Variants in RGS10 observed in about 807,000 individuals in gnomAD.
RGS10 encodes regulator of G-protein signalling 10.
Under a neutral mutation model 23.5 loss-of-function variants are expected in RGS10, and 11 were observed. That is an observed-to-expected ratio of 0.47 (90% CI 0.29 to 0.77). The LOEUF (loss-of-function observed/expected upper bound fraction) is 0.77, where lower values mean the gene tolerates loss of function less well. RGS10 is among the 30% of genes least tolerant of loss of function. The pLI is 0.08. For missense variants in RGS10, 180 were observed against 226.3 expected (o/e 0.80, Z 1.31); for synonymous variants, 77 against 83.2 (o/e 0.92, Z 0.41).
chr10:119,536,589 A>G, intron 1 of RGS10: 3 of 1,322,788 alleles, frequency 2.3e-6, no homozygotes, highest in Non-Finnish European at 3.1e-6. Flanking sequence ...GTCCGAAGAA[A>G]AAACAAGCCT....
intron 4 of RGS10, among the ~76,000 whole-genome samples, chr10:119,512,215 T>A (rs1418852974): frequency 6.6e-6 from 1 of 152,146 alleles, no homozygotes; most frequent in Non-Finnish European, 1.5e-5. Context: ...AGCCCAGCAG[T>A]GCTCAGCAAA....
At chr10:119,539,116 C>A (rs1162953665) in intron 1 of RGS10, among the ~76,000 whole-genome samples, 2 of 152,262 alleles carry the variant, frequency 1.3e-5, no homozygotes, top group East Asian at 3.8e-4. Flanking sequence ...AGAGGCTCAA[C>A]TGGCTCATAA....
chr10:119,506,711 A>AT (rs1395476883), intron 4 of RGS10, among the ~76,000 whole-genome samples: 1 of 151,914 alleles, frequency 6.6e-6, no homozygotes, highest in East Asian at 1.9e-4. Flanking sequence ...TTATTTATTT[A>AT]TTTTTTTTGA....
intron 3 of RGS10, among the ~76,000 whole-genome samples, chr10:119,525,381 G>A (rs962572196): frequency 2.0e-5 from 3 of 152,152 alleles, no homozygotes; most frequent in Admixed American, 6.5e-5. Flanking sequence ...CACACCAGGA[G>A]CCTCCTTCAT....
chr10:119,514,121 C>T (rs535668120), intron 4 of RGS10, among the ~76,000 whole-genome samples: 1 of 151,886 alleles, frequency 6.6e-6, no homozygotes, highest in African/African-American at 2.4e-5. Flanking sequence ...TCTGGGAGGC[C>T]GACGCGGGCG....
intron 1 of RGS10, among the ~76,000 whole-genome samples, chr10:119,540,278 TCTCA>T (rs916765273): frequency 5.9e-5 from 9 of 152,112 alleles, no homozygotes; most frequent in Admixed American, 5.2e-4. Context: ...TTTCTTTGGA[TCTCA>T]CTCTGTCACC....
intron 3 of RGS10, among the ~76,000 whole-genome samples, chr10:119,518,773 C>T (rs986691830): frequency 2.0e-5 from 3 of 151,752 alleles, no homozygotes; most frequent in Non-Finnish European, 4.4e-5. Context: ...GGCGCGATCT[C>T]GGCTCACTGC....
chr10:119,524,028 C>T lies in RGS10; in HGVS notation c.255+2004G>A, dbSNP rs973288248. 7.9e-5 allele frequency among the ~76,000 whole-genome samples: 12 copies of T among 152,162 alleles called. No individual in the cohort carries two copies. The highest frequency in any genetic ancestry group is 1.9e-4 in the East Asian group (1 of 5,190). On this transcript the variant is annotated intron_variant, in intron 3 of 4. Coordinates refer to ENST00000369103, the MANE Select transcript of RGS10 (RefSeq NM_001005339.2). This position sits in a 1 kb window ranked among gnomAD's most constrained non-coding sequence, Gnocchi z 5.2. ...CCTGCCCACACACTGTCCCTGCTCC[C>T]GGGAACCCCCTCCCAATCTCAATGC... is the stretch of plus-strand genomic sequence containing the variant.
intron 1 of RGS10, among the ~76,000 whole-genome samples, chr10:119,537,228 C>T (rs7100579): frequency 0.042 from 6,419 of 151,566 alleles, 257 homozygotes; most frequent in East Asian, 0.13. Context: ...CCTAAAAATA[C>T]AAAATTAGCC....
intron 1 of RGS10, among the ~76,000 whole-genome samples, chr10:119,534,300 T>A (rs1324406036): frequency 2.4e-4 from 22 of 92,378 alleles, no homozygotes; most frequent in Admixed American, 1.9e-3. Flanking sequence ...AATAAATAAA[T>A]AAATAAAAAA....
chr10:119,530,962 C>T (rs953546801), intron 1 of RGS10, among the ~76,000 whole-genome samples: 1 of 152,212 alleles, frequency 6.6e-6, no homozygotes, highest in African/African-American at 2.4e-5. Context: ...CACTTAAACA[C>T]ATCACCAAAT....
At chr10:119,522,316 A>C (rs1844227104) in intron 3 of RGS10, among the ~76,000 whole-genome samples, 1 of 151,678 alleles carries the variant, frequency 6.6e-6, no homozygotes, top group Non-Finnish European at 1.5e-5. Context: ...TCGACTCCTC[A>C]ACAGCCTTAG....
chr10:119,532,523 T>TG (rs769943524), intron 1 of RGS10, among the ~76,000 whole-genome samples: 18 of 152,282 alleles, frequency 1.2e-4, no homozygotes, highest in South Asian at 2.1e-4. Context: ...AAGACCAGCC[T>TG]GGGCAACATG....
rs1003441455 is a variant in RGS10, at chr10:119,527,064, C to A, written c.168+242G>T. Among the ~76,000 whole-genome samples the A allele has an allele frequency of 3.9e-5, 6 of 152,038 alleles. No individual in the cohort carries two copies. Among genetic ancestry groups the A allele is most frequent in the African/African-American group, 1.4e-4 (6 of 41,386 alleles). Reference sequence around the variant, plus strand: ...TCTTCTCTCTCCTCCCACCCTGTACCCCTCCCACCTCACTACACAAAAACC... The same window carrying A: ...TCTTCTCTCTCCTCCCACCCTGTACACCTCCCACCTCACTACACAAAAACC... On this transcript the variant is annotated intron_variant, in intron 2 of 4. Coordinates refer to ENST00000369103, the MANE Select transcript of RGS10 (RefSeq NM_001005339.2). This position sits in a 1 kb window ranked among gnomAD's most constrained non-coding sequence, Gnocchi z 4.2.
intron 1 of RGS10, among the ~76,000 whole-genome samples, chr10:119,534,791 G>A (rs930903918): frequency 6.6e-6 from 1 of 151,580 alleles, no homozygotes; most frequent in Non-Finnish European, 1.5e-5. Context: ...TCGGGAGGCT[G>A]AAGCAGGAGG....
intron 1 of RGS10, among the ~76,000 whole-genome samples, chr10:119,539,755 G>A (rs1736312955): frequency 6.6e-6 from 1 of 152,134 alleles, no homozygotes; most frequent in South Asian, 2.1e-4. Flanking sequence ...GGAGGGGTTA[G>A]GAACTCAAAA....
chr10:119,509,157 G>T (rs542127793), intron 4 of RGS10, among the ~76,000 whole-genome samples: 1 of 152,268 alleles, frequency 6.6e-6, no homozygotes, highest in East Asian at 1.9e-4. Context: ...CAGCACTTTG[G>T]GAGGCTGAGG....
At chr10:119,519,539 G>C (rs1466174118) in intron 3 of RGS10, among the ~76,000 whole-genome samples, 1 of 97,552 alleles carries the variant, frequency 1.0e-5, no homozygotes, top group East Asian at 3.1e-4. Flanking sequence ...CTGTCTCCCT[G>C]TCTGTCCCCC....
chr10:119,530,632 C>T (rs1241893224), intron 1 of RGS10, among the ~76,000 whole-genome samples: 2 of 152,216 alleles, frequency 1.3e-5, no homozygotes, highest in Admixed American at 1.3e-4. Context: ...CGAGACCAGC[C>T]TGGGCAACAT....
Sources: allele counts gnomAD v4.1 joint callset (sites outside exome capture counted in the v4.1 genomes callset), GRCh38; gene constraint gnomAD v4.1.1; non-coding constraint Gnocchi (gnomAD v3.1); transcripts MANE v1.5; gene names NCBI Gene and HGNC (gene_info 2026-07-23, HGNC 2026-07-21).